PRKN: variants seen among roughly 807,000 people sequenced by gnomAD.
PRKN encodes parkin RBR E3 ubiquitin protein ligase.
In PRKN, 56 loss-of-function variants were observed where a neutral mutation model predicts 59.5. That is an observed-to-expected ratio of 0.94 (90% CI 0.76 to 1.18). The LOEUF (loss-of-function observed/expected upper bound fraction) is 1.18. Ranked by LOEUF, PRKN falls within the 50% of genes most tolerant of loss-of-function variation. The pLI is 0.00. For missense variants in PRKN, 657 were observed against 596.4 expected (o/e 1.10, Z -1.06); for synonymous variants, 250 against 222.1 (o/e 1.13, Z -1.12).
At chr6:161,693,586 A>T (rs921266697) in intron 7 of PRKN, among the ~76,000 whole-genome samples, 2 of 152,226 alleles carry the variant, frequency 1.3e-5, no homozygotes, top group African/African-American at 4.8e-5. Flanking sequence ...GAAATAAAGT[A>T]TTAGAAACCC....
chr6:162,542,814 G>A (rs1482888532), intron 1 of PRKN, among the ~76,000 whole-genome samples: 1 of 152,094 alleles, frequency 6.6e-6, no homozygotes, highest in Non-Finnish European at 1.5e-5. Flanking sequence ...GGGGCACAGA[G>A]CACAGCACTC....
At chr6:162,433,280 C>A (rs1057170098) in intron 2 of PRKN, among the ~76,000 whole-genome samples, 1 of 152,034 alleles carries the variant, frequency 6.6e-6, no homozygotes, top group South Asian at 2.1e-4. Context: ...TCATATAGAT[C>A]AGAAAAATAA....
At chr6:162,178,675 C>T (rs1783647738) in intron 4 of PRKN, among the ~76,000 whole-genome samples, 1 of 152,184 alleles carries the variant, frequency 6.6e-6, no homozygotes, top group Admixed American at 6.5e-5. Context: ...CTTACATCAT[C>T]CTGCAATGGT....
At chr6:162,274,180 A>AATTT (rs1222879318) in intron 2 of PRKN, among the ~76,000 whole-genome samples, 33 of 151,224 alleles carry the variant, frequency 2.2e-4, no homozygotes, top group African/African-American at 8.1e-4. Context: ...TTAATTTATT[A>AATTT]ATGTATTTAT....
intron 1 of PRKN, among the ~76,000 whole-genome samples, chr6:162,712,670 A>G (rs1001815560): frequency 2.0e-5 from 3 of 152,240 alleles, no homozygotes; most frequent in African/African-American, 4.8e-5. Flanking sequence ...CAGATCCAAC[A>G]TGTTTATCTC....
At chr6:161,773,118 G>T (rs748925659) in intron 7 of PRKN, among the ~76,000 whole-genome samples, 2 of 152,186 alleles carry the variant, frequency 1.3e-5, no homozygotes, top group Non-Finnish European at 2.9e-5. Context: ...TCACACGGAG[G>T]CTTCTGGGCT....
chr6:162,203,567 A>C (rs1177994070), intron 3 of PRKN, among the ~76,000 whole-genome samples: 1 of 152,232 alleles, frequency 6.6e-6, no homozygotes, highest in Non-Finnish European at 1.5e-5. Flanking sequence ...CTGGACAGGC[A>C]TGAAAACAAA....
rs534230206 is a variant in PRKN, at chr6:161,409,204, A to G, written c.1084-22327T>C. 6.6e-6 allele frequency among the ~76,000 whole-genome samples: 1 copy of G among 152,278 alleles called. No individual in the cohort carries two copies. The highest frequency in any genetic ancestry group is 1.5e-5 in the Non-Finnish European group (1 of 68,024). ...TGTGATCCACCCGCACTGGACTCCCAAACTGCTGGGATTACAGGTGTGAGC... is the reference window on the plus strand; with the variant it reads ...TGTGATCCACCCGCACTGGACTCCCGAACTGCTGGGATTACAGGTGTGAGC... On this transcript the variant is annotated intron_variant, in intron 9 of 11. Coordinates refer to ENST00000366898, the MANE Select transcript of PRKN (RefSeq NM_004562.3). This position sits in a 1 kb window ranked among gnomAD's most constrained non-coding sequence, Gnocchi z 4.6.
intron 4 of PRKN, among the ~76,000 whole-genome samples, chr6:162,075,011 G>A (rs766789811): frequency 1.1e-4 from 16 of 152,106 alleles, no homozygotes; most frequent in Admixed American, 5.2e-4. Flanking sequence ...TCACATGAAC[G>A]CACTCTTAAC....
chr6:162,563,112 C>G (rs918482045), intron 1 of PRKN, among the ~76,000 whole-genome samples: 1 of 152,114 alleles, frequency 6.6e-6, no homozygotes, highest in African/African-American at 2.4e-5. Flanking sequence ...ACCATCTTGG[C>G]TAAAGCAGTG....
intron 5 of PRKN, among the ~76,000 whole-genome samples, chr6:161,995,861 A>G (rs995395426): frequency 2.6e-5 from 4 of 152,216 alleles, no homozygotes; most frequent in South Asian, 4.1e-4. Context: ...CCAAAAACTA[A>G]AAGCACAAGG....
chr6:162,395,304 C>T (rs930076901), intron 2 of PRKN, among the ~76,000 whole-genome samples: 1 of 152,178 alleles, frequency 6.6e-6, no homozygotes, highest in Admixed American at 6.5e-5. Flanking sequence ...TTGGATTGCT[C>T]ATCCAGGGGA....
chr6:162,444,329 C>T (rs2128168136), intron 1 of PRKN, among the ~76,000 whole-genome samples: 1 of 152,170 alleles, frequency 6.6e-6, no homozygotes, highest in African/African-American at 2.4e-5. Flanking sequence ...CAAAATGAGC[C>T]TTATTAATAC....
chr6:162,223,165 A>G (rs1187089788), intron 3 of PRKN, among the ~76,000 whole-genome samples: 1 of 151,898 alleles, frequency 6.6e-6, no homozygotes, highest in African/African-American at 2.4e-5. Flanking sequence ...AATTTCATAC[A>G]TGTCCCTACA....
chr6:162,412,839 T>C (rs1359112657), intron 2 of PRKN, among the ~76,000 whole-genome samples: 4 of 152,202 alleles, frequency 2.6e-5, no homozygotes, highest in Admixed American at 1.3e-4. Context: ...GGATTACTTT[T>C]GTATAGATGG....
intron 6 of PRKN, among the ~76,000 whole-genome samples, chr6:161,958,559 A>G (rs1307661539): frequency 6.6e-6 from 1 of 152,132 alleles, no homozygotes; most frequent in Non-Finnish European, 1.5e-5. Context: ...TTTTCATTGT[A>G]ATATGATACC....
chr6:162,415,597 G>A (rs1056535339), intron 2 of PRKN, among the ~76,000 whole-genome samples: 1 of 152,042 alleles, frequency 6.6e-6, no homozygotes, highest in Non-Finnish European at 1.5e-5. Context: ...AAGCGGGTAG[G>A]TCACAAGGTC....
chr6:162,326,404 G>GA (rs1489479563), intron 2 of PRKN, among the ~76,000 whole-genome samples: 7 of 151,762 alleles, frequency 4.6e-5, no homozygotes, highest in Non-Finnish European at 8.8e-5. Context: ...GCCTTAGGAT[G>GA]AAAAAAAATC....
rs577233376 is a variant in PRKN at position 162,442,051 on chromosome 6, C to T, written c.171+1259G>A. Among the ~76,000 whole-genome samples, 70 of 152,188 alleles carry T rather than the reference C, an allele frequency of 4.6e-4. 1 individual carries two copies. In the South Asian group the frequency reaches 0.014, roughly 31 times the overall value. On this transcript the variant is annotated intron_variant, in intron 2 of 11. Transcript: ENST00000366898. ...AACCCTTTTTAGCACATGCACTTCC[C>T]TTATAAAACCAAATTGCCTGAAAGC...
Sources: gnomAD v4.1 joint callset for allele counts (sites outside exome capture counted in the v4.1 genomes callset) on GRCh38, gnomAD v4.1.1 for gene constraint, Gnocchi (gnomAD v3.1) non-coding constraint, MANE v1.5 for transcripts, NCBI Gene and HGNC (gene_info 2026-07-23, HGNC 2026-07-21) for gene names.